Variants in ELOVL7 observed in about 807,000 individuals in gnomAD.
ELOVL7 encodes ELOVL fatty acid elongase 7.
In ELOVL7, 27 loss-of-function variants were observed where a neutral mutation model predicts 35.7. The ratio of observed to expected loss-of-function variants is 0.76; its 90% CI spans 0.56 to 1.04. The LOEUF (loss-of-function observed/expected upper bound fraction) is 1.04. ELOVL7 is among the 50% of genes least tolerant of loss of function. The probability of loss-of-function intolerance (pLI) is 0.00; values close to 1 mark genes in which losing one functional copy is unlikely to be tolerated. For synonymous variants in ELOVL7, 113 were observed against 114.6 expected, an observed-to-expected ratio of 0.99 and a Z score of 0.09; for missense variants, 327 against 340.8, an observed-to-expected ratio of 0.96 and a Z score of 0.32.
In ELOVL7 at chr5:60,754,660, A is replaced by G. The variant is rs763412609; in HGVS notation, c.810T>C (p.Thr270=). ...AYTKGQRLPK[T]VKNGTCKNKD... ...TGTTTTTGCAAGTTCCATTTTTCAC[A>G]GTTTTGGGCAACCTCTGACCTTTGG... The change falls in exon 9 of 9, where the codon ACT becomes ACC. Residue 270 remains threonine (T), a synonymous_variant. Coordinates refer to ENST00000508821, the MANE Select transcript of ELOVL7 (RefSeq NM_024930.3). The G allele has an allele frequency of 2.5e-6, 4 of 1,613,948 alleles. No individual in the cohort carries two copies. The highest frequency in any genetic ancestry group is 2.2e-5 in the South Asian group (2 of 91,088).
chr5:60,804,364 G>A (rs1366121367), intron 1 of ELOVL7, among the ~76,000 whole-genome samples: 1 of 152,120 alleles, frequency 6.6e-6, no homozygotes, highest in African/African-American at 2.4e-5. Context: ...AAGAGTCAGA[G>A]AATCTTTAGG....
At chr5:60,807,133 G>A (rs756048397) in intron 1 of ELOVL7, among the ~76,000 whole-genome samples, 1 of 152,062 alleles carries the variant, frequency 6.6e-6, no homozygotes, top group East Asian at 1.9e-4. Context: ...CACATCGGAG[G>A]AGAAGCAAAC....
chr5:60,769,790 C>T (rs1742463364), intron 4 of ELOVL7, among the ~76,000 whole-genome samples: 1 of 152,158 alleles, frequency 6.6e-6, no homozygotes, highest in Non-Finnish European at 1.5e-5. Context: ...TGGGTCACAC[C>T]TGTAATCCTA....
intron 1 of ELOVL7, among the ~76,000 whole-genome samples, chr5:60,814,178 G>C (rs571901650): frequency 6.6e-6 from 1 of 152,124 alleles, no homozygotes; most frequent in Non-Finnish European, 1.5e-5. Context: ...AAGCTGTCTT[G>C]ATTAAAGTTT....
chr5:60,768,390 G>A (rs367776995), intron 4 of ELOVL7, among the ~76,000 whole-genome samples: 33 of 152,290 alleles, frequency 2.2e-4, no homozygotes, highest in African/African-American at 7.2e-4. Context: ...AGATAGCTGC[G>A]ACAACTGGGC....
chr5:60,785,189 C>A (rs1743502965), intron 3 of ELOVL7, among the ~76,000 whole-genome samples: 1 of 152,144 alleles, frequency 6.6e-6, no homozygotes, highest in Admixed American at 6.5e-5. Context: ...ACTTCAAATA[C>A]AAGTATTCCT....
At chr5:60,754,922 A>T in intron 8 of ELOVL7, 89 bp from the exon 9 acceptor site, 2 of 1,073,172 alleles carry the variant, frequency 1.9e-6, no homozygotes, top group Non-Finnish European at 2.7e-6. Flanking sequence ...CCCAAAGTGC[A>T]GGGAGTGCAC....
intron 1 of ELOVL7, among the ~76,000 whole-genome samples, chr5:60,819,286 T>C (rs963726208): frequency 1.3e-5 from 2 of 152,122 alleles, no homozygotes; most frequent in Non-Finnish European, 2.9e-5. Flanking sequence ...AATTAATGAA[T>C]GAATTACTAC....
chr5:60,821,180 T>G (rs1290572351), intron 1 of ELOVL7, among the ~76,000 whole-genome samples: 1 of 152,206 alleles, frequency 6.6e-6, no homozygotes, highest in Non-Finnish European at 1.5e-5. Flanking sequence ...CACACCATGC[T>G]CTACTTCAAA....
intron 7 of ELOVL7, among the ~76,000 whole-genome samples, chr5:60,758,684 G>T (rs1169165352): frequency 6.6e-6 from 1 of 152,160 alleles, no homozygotes. Flanking sequence ...GTCTTTAGCT[G>T]GACCAGTAAT....
intron 6 of ELOVL7, among the ~76,000 whole-genome samples, chr5:60,766,350 AG>A (rs1198851189): frequency 1.3e-5 from 2 of 152,240 alleles, no homozygotes; most frequent in Admixed American, 1.3e-4. Flanking sequence ...AACTTTATAG[AG>A]TTTGCAAAAT....
intron 1 of ELOVL7, among the ~76,000 whole-genome samples, chr5:60,841,612 T>C (rs1278697935): frequency 6.6e-6 from 1 of 152,222 alleles, no homozygotes; most frequent in Non-Finnish European, 1.5e-5. Context: ...AGATTCCTAT[T>C]TGGCCTGACT....
chr5:60,758,306 TCTC>T (rs1741672201), intron 7 of ELOVL7, among the ~76,000 whole-genome samples: 1 of 152,224 alleles, frequency 6.6e-6, no homozygotes, highest in Non-Finnish European at 1.5e-5. Context: ...AATTACCCAT[TCTC>T]CTATTGACAG....
At chr5:60,823,167 C>T (rs1010806350) in intron 1 of ELOVL7, among the ~76,000 whole-genome samples, 3 of 151,956 alleles carry the variant, frequency 2.0e-5, no homozygotes, top group Non-Finnish European at 2.9e-5. Context: ...AGGAACAACC[C>T]ATGAAGGTCT....
intron 4 of ELOVL7, among the ~76,000 whole-genome samples, chr5:60,769,312 T>C (rs1742432790): frequency 1.3e-5 from 2 of 152,228 alleles, no homozygotes; most frequent in East Asian, 3.8e-4. Context: ...TGTAACGCTC[T>C]GTGGCCAGGA....
At chr5:60,760,716 T>C (rs1240646159) in intron 7 of ELOVL7, among the ~76,000 whole-genome samples, 3 of 152,218 alleles carry the variant, frequency 2.0e-5, no homozygotes, top group Admixed American at 6.5e-5. Flanking sequence ...TCCTTGCCCA[T>C]GCCTATGTCC....
At chr5:60,829,874 G>T (rs758840977) in intron 1 of ELOVL7, among the ~76,000 whole-genome samples, 1 of 152,138 alleles carries the variant, frequency 6.6e-6, no homozygotes, top group Non-Finnish European at 1.5e-5. Flanking sequence ...TTATACTTTT[G>T]TTTTCTCTTG....
chr5:60,817,893 G>T (rs1745626748), intron 1 of ELOVL7, among the ~76,000 whole-genome samples: 1 of 150,210 alleles, frequency 6.7e-6, no homozygotes, highest in African/African-American at 2.5e-5. Flanking sequence ...ACACACAGGA[G>T]ATTTTTTTAT....
chr5:60,819,225 T>C (rs1721065207), intron 1 of ELOVL7, among the ~76,000 whole-genome samples: 1 of 151,584 alleles, frequency 6.6e-6, no homozygotes, highest in African/African-American at 2.4e-5. Context: ...CTTCCTCATT[T>C]CCCAACCTAG....
Sources: gnomAD v4.1 joint callset for allele counts (sites outside exome capture counted in the v4.1 genomes callset) on GRCh38, gnomAD v4.1.1 for gene constraint, MANE v1.5 for transcripts, NCBI Gene and HGNC (gene_info 2026-07-23, HGNC 2026-07-21) for gene names.